The following PPARA variants were observed in gnomAD, a reference collection of about 807,000 sequenced individuals.
PPARA encodes peroxisome proliferator activated receptor alpha.
Under a neutral mutation model 42.2 loss-of-function variants are expected in PPARA, and 22 were observed. The ratio of observed to expected loss-of-function variants is 0.52; its 90% CI spans 0.37 to 0.74. The LOEUF is 0.74. PPARA is among the 30% of genes least tolerant of loss of function. The pLI is 0.00. For synonymous variants in PPARA, 242 were observed against 239.3 expected (o/e 1.01, Z -0.10); for missense variants, 465 against 608.2 (o/e 0.76, Z 2.48).
At chr22:46,155,169 A>G (rs1467717540) in intron 2 of PPARA, 1 of 151,922 alleles carries the variant, frequency 6.6e-6, no homozygotes, top group Non-Finnish European at 1.5e-5. Context: ...CTTTACTTCC[A>G]AGTAGTCAGT....
chr22:46,190,369 A>G lies in PPARA; in HGVS notation c.-42-7973A>G, dbSNP rs746151173. On this transcript the variant is annotated intron_variant, in intron 3 of 8. Transcript: ENST00000407236. The surrounding 1 kb of genome is among the most constrained non-coding windows in gnomAD (Gnocchi z 5.6). The stretch of plus-strand genomic sequence containing the variant: ...TAAGCATATTAAGTGGTTACAATAC[A>G]GTAAATTAGAGGGAGTAGTACAGAA... Among the ~76,000 whole-genome samples the G allele has an allele frequency of 6.6e-6, 1 of 152,240 alleles. No individual in the cohort carries two copies. Among genetic ancestry groups the G allele is most frequent in the Non-Finnish European group, 1.5e-5 (1 of 68,046 alleles).
Position 46,231,167 on chromosome 22 carries a change from C to T in PPARA, c.712-625C>T, listed in dbSNP as rs1935837061. On this transcript the variant is annotated intron_variant, in intron 7 of 8. Transcript: ENST00000407236. The surrounding 1 kb of genome is among the most constrained non-coding windows in gnomAD (Gnocchi z 7.7). The stretch of plus-strand genomic sequence containing the variant: ...CACCTCCCAGGTTCAAGCGATTCTC[C>T]TGCCTCAGCCTCCCGAGTAGCTGGG... 6.6e-6 allele frequency among the ~76,000 whole-genome samples: 1 copy of T among 152,168 alleles called. No homozygotes were observed. Among genetic ancestry groups the T allele is most frequent in the Admixed American group, 6.5e-5 (1 of 15,288 alleles).
At chr22:46,175,607 G>A (rs532508834) in intron 2 of PPARA, among the ~76,000 whole-genome samples, 24 of 152,036 alleles carry the variant, frequency 1.6e-4, no homozygotes, top group South Asian at 2.1e-4. Flanking sequence ...CCAGCTACTC[G>A]GGAGGCTGAG....
intron 2 of PPARA, among the ~76,000 whole-genome samples, chr22:46,168,224 C>T (rs1325043140): frequency 2.0e-5 from 3 of 148,988 alleles, no homozygotes; most frequent in Non-Finnish European, 4.5e-5. Context: ...TGGTGGTAGG[C>T]GCCTGTAGTC....
chr22:46,199,523 G>A (rs944924762), intron 4 of PPARA, among the ~76,000 whole-genome samples: 8 of 151,972 alleles, frequency 5.3e-5, no homozygotes, highest in African/African-American at 9.7e-5. Flanking sequence ...GCATGCATGT[G>A]GTCCTAGCTA....
At chr22:46,213,403 C>CT (rs61615727) in intron 4 of PPARA, among the ~76,000 whole-genome samples, 6,973 of 134,812 alleles carry the variant, frequency 0.052, 257 homozygotes, top group African/African-American at 0.11. Flanking sequence ...CATTTTCTTT[C>CT]TTTTTTTTTT....
At position 46,224,644 on chromosome 22, in the gene PPARA, A is replaced by T. The variant is rs1199594640; in HGVS notation, c.711+4630A>T. Among the ~76,000 whole-genome samples, 1 of 152,052 alleles carries T rather than the reference A, an allele frequency of 6.6e-6. No homozygotes were observed. Among genetic ancestry groups the T allele is most frequent in the Non-Finnish European group, 1.5e-5 (1 of 68,018 alleles). On this transcript the variant is annotated intron_variant, in intron 7 of 8. Coordinates refer to ENST00000407236, the MANE Select transcript of PPARA (RefSeq NM_005036.6). This position sits in a 1 kb window ranked among gnomAD's most constrained non-coding sequence, Gnocchi z 5.7. ...GACTTCATTTCTGTTTGGGGATGAG[A>T]GGCGGCACAGTAAACTGTCCAGGCC...
At chr22:46,174,165 A>G (rs1928557635) in intron 2 of PPARA, among the ~76,000 whole-genome samples, 1 of 147,264 alleles carries the variant, frequency 6.8e-6, no homozygotes, top group Admixed American at 6.8e-5. Flanking sequence ...CAACAGAGCA[A>G]GACTCTGTCT....
At chr22:46,151,379 G>A (rs1924401924) in intron 1 of PPARA, among the ~76,000 whole-genome samples, 1 of 152,236 alleles carries the variant, frequency 6.6e-6, no homozygotes. Flanking sequence ...GGGCGCCCAG[G>A]TCTTTCCGGA....
At chr22:46,210,281 C>T (rs1200770836) in intron 4 of PPARA, among the ~76,000 whole-genome samples, 2 of 146,316 alleles carry the variant, frequency 1.4e-5, no homozygotes, top group African/African-American at 2.6e-5. Flanking sequence ...TGGACTCCAG[C>T]CTGGGCAACA....
chr22:46,232,327 T>G lies in PPARA; in HGVS notation c.1159+88T>G. 3 of 1,390,016 alleles carry G rather than the reference T, an allele frequency of 2.2e-6. No individual in the cohort carries two copies. The South Asian group carries it at 3.5e-5, about 16-fold the overall frequency. 86.1% of individuals were successfully genotyped at this position (1,390,016 alleles called of 1,614,324 possible). A position where few individuals can be genotyped will look rare whatever the true frequency, so the allele number is the denominator to read the frequency against. On this transcript the variant is annotated intron_variant, in intron 8 of 8. Transcript: ENST00000407236. The surrounding 1 kb of genome is among the most constrained non-coding windows in gnomAD (Gnocchi z 5.3). ...GACAATGGGAAATCCAGTACCAGCCTGAGCTGTTCCAGTGGAGGGGACACT... is the reference window on the plus strand; with the variant it reads ...GACAATGGGAAATCCAGTACCAGCCGGAGCTGTTCCAGTGGAGGGGACACT...
intron 3 of PPARA, among the ~76,000 whole-genome samples, chr22:46,177,797 G>A (rs1024043063): frequency 5.3e-5 from 8 of 151,898 alleles, no homozygotes; most frequent in African/African-American, 7.3e-5. Flanking sequence ...CGTGTAGCCA[G>A]TGAGACAGGT....
chr22:46,226,703 T>C (rs4253763), intron 7 of PPARA, among the ~76,000 whole-genome samples: 15,223 of 152,056 alleles, frequency 0.1, 1,112 homozygotes, highest in African/African-American at 0.21. Context: ...GGCAACATAG[T>C]GAGACCTCCT....
chr22:46,213,868 C>T (rs984551499), intron 4 of PPARA, among the ~76,000 whole-genome samples: 2 of 152,182 alleles, frequency 1.3e-5, no homozygotes, highest in East Asian at 1.9e-4. Flanking sequence ...GGATTACAGG[C>T]GTGAGCCACC....
At position 46,241,732 on chromosome 22, in the gene PPARA, G is replaced by A. The variant is rs1212880218; in HGVS notation, c.*6352G>A. The A allele has an allele frequency of 6.6e-6, 1 of 152,064 alleles. No homozygotes were observed. Among genetic ancestry groups the A allele is most frequent in the Non-Finnish European group, 1.5e-5 (1 of 68,006 alleles). The allele number at this position is 152,064 out of a possible 1,614,324, so 9.4% of individuals were successfully genotyped here. A position where few individuals can be genotyped will look rare whatever the true frequency, so the allele number is the denominator to read the frequency against. On this transcript the variant is annotated 3_prime_UTR_variant, in exon 9 of 9. Transcript: ENST00000407236. This position sits in a 1 kb window ranked among gnomAD's most constrained non-coding sequence, Gnocchi z 5.7. ...CCCCCAGAGAAACCCTTTTGTGAGG[G>A]GAGAGGAGCTATGGTATGTGGTTCA...
chr22:46,157,612 T>G (rs1925517183), intron 2 of PPARA, among the ~76,000 whole-genome samples: 1 of 152,210 alleles, frequency 6.6e-6, no homozygotes, highest in Non-Finnish European at 1.5e-5. Flanking sequence ...GACCTGAGGA[T>G]CTATTTAAAT....
chr22:46,174,006 C>CATCCTGG (rs58871534), intron 2 of PPARA, among the ~76,000 whole-genome samples: 3 of 149,676 alleles, frequency 2.0e-5, no homozygotes, highest in Non-Finnish European at 4.4e-5. Context: ...AGATCGAGAC[C>CATCCTGG]CTCTCTACTA....
Position 46,195,564 on chromosome 22 carries a change from G to T in PPARA, c.-42-2778G>T, listed in dbSNP as rs1016071015. 1.1e-4 allele frequency among the ~76,000 whole-genome samples: 16 copies of T among 152,200 alleles called. No homozygotes were observed. Among genetic ancestry groups the T allele is most frequent in the Non-Finnish European group, 7.3e-5 (5 of 68,036 alleles). On this transcript the variant is annotated intron_variant, in intron 3 of 8. Transcript: ENST00000407236. This position sits in a 1 kb window ranked among gnomAD's most constrained non-coding sequence, Gnocchi z 4.6. ...CATAATATGTGAATTTCACAAAAATGGATGAAATGTATCTATTTTTCATTG... is the reference window on the plus strand; with the variant it reads ...CATAATATGTGAATTTCACAAAAATTGATGAAATGTATCTATTTTTCATTG...
At position 46,231,271 on chromosome 22, in the gene PPARA, T is replaced by G. The variant is rs1874342187; in HGVS notation, c.712-521T>G. On this transcript the variant is annotated intron_variant, in intron 7 of 8. Coordinates refer to ENST00000407236, the MANE Select transcript of PPARA (RefSeq NM_005036.6). This position sits in a 1 kb window ranked among gnomAD's most constrained non-coding sequence, Gnocchi z 7.7. ...TCTCGCTCTGTCACCCAGGCTGGAGTGCAGTGGCGCAATGTCGGCTCACTG... is the reference window on the plus strand; with the variant it reads ...TCTCGCTCTGTCACCCAGGCTGGAGGGCAGTGGCGCAATGTCGGCTCACTG... Among the ~76,000 whole-genome samples, 1 of 150,854 alleles carries G rather than the reference T, an allele frequency of 6.6e-6. No homozygotes were observed. Among genetic ancestry groups the G allele is most frequent in the African/African-American group, 2.4e-5 (1 of 40,934 alleles).
Sources: allele counts gnomAD v4.1 joint callset (sites outside exome capture counted in the v4.1 genomes callset), GRCh38; gene constraint gnomAD v4.1.1; non-coding constraint Gnocchi (gnomAD v3.1); transcripts MANE v1.5; gene names NCBI Gene and HGNC (gene_info 2026-07-23, HGNC 2026-07-21).